The following SAMD9L variants were observed in gnomAD, a reference collection of about 807,000 sequenced individuals.
SAMD9L encodes sterile alpha motif domain containing 9 like.
Under a neutral mutation model 90.7 loss-of-function variants are expected in SAMD9L, and 68 were observed. The ratio of observed to expected loss-of-function variants is 0.75; its 90% CI spans 0.62 to 0.92. The LOEUF (loss-of-function observed/expected upper bound fraction) is 0.92. Ranked by LOEUF, SAMD9L falls within the 40% of genes least tolerant of loss-of-function variation. The pLI, the probability that SAMD9L is intolerant of heterozygous loss-of-function variation, is 0.00. For missense variants in SAMD9L, 1,604 were observed against 1,824.3 expected (o/e 0.88, Z 2.20); for synonymous variants, 640 against 630.1 (o/e 1.02, Z -0.23).
In SAMD9L at chr7:93,135,718, T is replaced by A; in HGVS notation, c.254A>T (p.His85Leu). Residue 85 changes from histidine to leucine, a missense_variant, in exon 5 of 5, where the codon CAT (histidine) becomes CTT (leucine). Transcript: ENST00000318238. ...LNSKSPESDN[H>L]DPGQLDNSKP... ...TGAATTATCTAATTGTCCCGGATCA[T>A]GATTGTCACTTTCAGGGGACTTACT... The A allele has an allele frequency of 1.9e-6, 3 of 1,614,134 alleles. No homozygotes were observed. The African/African-American group carries it at 4.0e-5, about 22-fold the overall frequency.
At position 93,135,700 on chromosome 7, in the gene SAMD9L, T is replaced by C; in HGVS notation, c.272A>G (p.Asp91Gly). Residue 91 changes from aspartate to glycine, a missense_variant, in exon 5 of 5, where the codon GAT becomes GGT. By Grantham distance (94) the Asp-to-Gly change is moderately conservative. Coordinates refer to ENST00000318238, the MANE Select transcript of SAMD9L (RefSeq NM_152703.5). ...TTCTGTTTTGGACGGTTTTGAATTA[T>C]CTAATTGTCCCGGATCATGATTGTC... ...ESDNHDPGQL[D>G]NSKPSKTEHQ... is the part of the protein sequence containing the mutation. The C allele has an allele frequency of 6.2e-7, 1 of 1,614,102 alleles. No individual in the cohort carries two copies. Among genetic ancestry groups the C allele is most frequent in the Non-Finnish European group, 8.5e-7 (1 of 1,179,976 alleles).
At chr7:93,144,432 A>G (rs542282129) in intron 4 of SAMD9L, among the ~76,000 whole-genome samples, 1 of 152,216 alleles carries the variant, frequency 6.6e-6, no homozygotes, top group Non-Finnish European at 1.5e-5. Context: ...ATAATATTAC[A>G]TTGTATTAGG....
Position 93,132,772 on chromosome 7 carries a change from A to G in SAMD9L, c.3200T>C (p.Ile1067Thr), listed in dbSNP as rs559401405. ...PLMEALQNKD[I>T]EKVLSAGSRR... ...ACTTCCTGCACTCAAGACCTTTTCA[A>G]TGTCTTTATTCTGTAAAGCTTCCAT... The change falls in exon 5 of 5, where the codon ATT becomes ACT. Residue 1067 changes from isoleucine to threonine, a missense_variant. Ile to Thr is a moderately conservative substitution (Grantham distance 89). Around this residue, in one of 7 missense-constraint regions of SAMD9L, gnomAD observed 302 missense variants for 314.7 expected, o/e 0.96. Coordinates refer to ENST00000318238, the MANE Select transcript of SAMD9L (RefSeq NM_152703.5). The G allele has an allele frequency of 8.7e-6, 14 of 1,613,660 alleles. No individual in the cohort carries two copies. The African/African-American group carries it at 1.1e-4, about 12-fold the overall frequency.
At position 93,133,494 on chromosome 7, in the gene SAMD9L, A is replaced by T; in HGVS notation, c.2478T>A (p.Asp826Glu). ...NAIHSVLAEK[D>E]LRYEKTLVII... ...TTACCAATGTTTTTTCATATCGCAA[A>T]TCCTTTTCTGCTAAAACGGAATGGA... The change falls in exon 5 of 5, where the codon GAT becomes GAA. Residue 826 changes from aspartate (D) to glutamate (E), a missense_variant. Around this residue, in one of 7 missense-constraint regions of SAMD9L, gnomAD observed 606 missense variants for 717.6 expected, o/e 0.84. Transcript: ENST00000318238. The T allele has an allele frequency of 6.2e-7, 1 of 1,612,534 alleles. No homozygotes were observed. Among genetic ancestry groups the T allele is most frequent in the Non-Finnish European group, 8.5e-7 (1 of 1,179,358 alleles).
At position 93,132,287 on chromosome 7, in the gene SAMD9L, C is replaced by A. The variant is rs372780313; in HGVS notation, c.3685G>T (p.Val1229Leu). Reference sequence around the variant, plus strand: ...GTCCACTTTCCTGATAAAAATTGCACCATATGTTTTTTGGATAATTCATTT... The same window carrying A: ...GTCCACTTTCCTGATAAAAATTGCAACATATGTTTTTTGGATAATTCATTT... ...KENELSKKHMVQFLSGKWTIP... is the reference protein window; with the variant it reads ...KENELSKKHMLQFLSGKWTIP... The change falls in exon 5 of 5, where the codon GTG (valine) becomes TTG (leucine). Residue 1229 changes from valine (V) to leucine (L), a missense_variant. Around this residue, in one of 7 missense-constraint regions of SAMD9L, gnomAD observed 302 missense variants for 314.7 expected, o/e 0.96. Coordinates refer to ENST00000318238, the MANE Select transcript of SAMD9L (RefSeq NM_152703.5). 8 of 1,613,560 alleles carry A rather than the reference C, an allele frequency of 5.0e-6. No individual in the cohort carries two copies. The highest frequency in any genetic ancestry group is 6.8e-6 in the Non-Finnish European group (8 of 1,179,812).
chr7:93,139,312 C>A (rs900443236), intron 4 of SAMD9L, among the ~76,000 whole-genome samples: 1 of 152,114 alleles, frequency 6.6e-6, no homozygotes, highest in Non-Finnish European at 1.5e-5. Context: ...TGAATTATAT[C>A]GCGCCAAAGT....
At chr7:93,140,440 G>A (rs1378691380) in intron 4 of SAMD9L, among the ~76,000 whole-genome samples, 1 of 151,520 alleles carries the variant, frequency 6.6e-6, no homozygotes, top group African/African-American at 2.4e-5. Flanking sequence ...TCCATACCAT[G>A]ACTGGTCTCA....
At position 93,134,788 on chromosome 7, in the gene SAMD9L, C is replaced by A; in HGVS notation, c.1184G>T (p.Gly395Val). 1 of 1,612,448 alleles carries A rather than the reference C, an allele frequency of 6.2e-7. No homozygotes were observed. Among genetic ancestry groups the A allele is most frequent in the Non-Finnish European group, 8.5e-7 (1 of 1,179,160 alleles). The change falls in exon 5 of 5, where the codon GGA becomes GTA. Residue 395 changes from glycine to valine, a missense_variant. Coordinates refer to ENST00000318238, the MANE Select transcript of SAMD9L (RefSeq NM_152703.5). ...TATGAGAAGTTTAACCAGCTTTAGT[C>A]CTTCACTCTCCTTCTTCATTGCCTT... is the stretch of plus-strand genomic sequence containing the variant. ...GMKAMKKESE[G>V]LKLVKLLIGN... is the part of the protein sequence containing the mutation.
chr7:93,133,757 G>A lies in SAMD9L; in HGVS notation c.2215C>T (p.Leu739Phe). The change falls in exon 5 of 5, where the codon CTT (leucine) becomes TTT (phenylalanine). Residue 739 changes from leucine (L) to phenylalanine (F), a missense_variant. This residue lies in a region of SAMD9L where 606 missense variants were observed against 717.6 expected (regional missense o/e 0.84). Transcript: ENST00000318238. ...PKPIFAKIINLYHHPGCGGTT... is the reference protein window; with the variant it reads ...PKPIFAKIINFYHHPGCGGTT... ...CCTCCACAGCCTGGATGATGATAAA[G>A]ATTGATGATTTTTGCAAATATTGGT... is the stretch of plus-strand genomic sequence containing the variant. 1 of 1,613,858 alleles carries A rather than the reference G, an allele frequency of 6.2e-7. No homozygotes were observed. The highest frequency in any genetic ancestry group is 1.1e-5 in the South Asian group (1 of 91,086).
chr7:93,131,049 G>A lies in SAMD9L; in HGVS notation c.*168C>T. The A allele has an allele frequency of 2.0e-6, 1 of 503,346 alleles. No individual in the cohort carries two copies. Among genetic ancestry groups the A allele is most frequent in the Non-Finnish European group, 3.5e-6 (1 of 288,366 alleles). 31.2% of individuals were successfully genotyped at this position (503,346 alleles called of 1,614,324 possible). On this transcript the variant is annotated 3_prime_UTR_variant, in exon 5 of 5. Transcript: ENST00000318238. The stretch of plus-strand genomic sequence containing the variant: ...CACTTTGTGCCAAGCTCTGCGGGTA[G>A]GCATATTTCATATCTTAAAAAGGCT...
rs1205666815 is a variant in SAMD9L at position 93,145,828 on chromosome 7, A to G, written c.-566T>C. The G allele has an allele frequency of 1.3e-5, 2 of 152,238 alleles. No individual in the cohort carries two copies. Among genetic ancestry groups the G allele is most frequent in the Non-Finnish European group, 2.9e-5 (2 of 68,036 alleles). The allele number at this position is 152,238 out of a possible 1,614,324, so 9.4% of individuals were successfully genotyped here. ...AAAAAGTATGTGACAGGTACACTTT[A>G]TCTCTCTTCCAGCATTCCACATTCA... On this transcript the variant is annotated 5_prime_UTR_variant, in exon 3 of 5. The change abolishes the stop of an existing upstream ORF in the 5' untranslated region. Transcript: ENST00000318238.
intron 4 of SAMD9L, among the ~76,000 whole-genome samples, chr7:93,144,171 G>C (rs1254329228): frequency 6.6e-6 from 1 of 152,188 alleles, no homozygotes; most frequent in Non-Finnish European, 1.5e-5. Flanking sequence ...ATGGATAAAG[G>C]TGTAGCTGCT....
In SAMD9L at chr7:93,131,830, T is replaced by A. The variant is rs906566773; in HGVS notation, c.4142A>T (p.Gln1381Leu). ...NSKKPMTNEKQNSILANIILS... is the reference protein window; with the variant it reads ...NSKKPMTNEKLNSILANIILS... ...AATAATGTTGGCCAAAATGGAATTTTGTTTCTCATTTGTCATGGGCTTTTT... is the reference window on the plus strand; with the variant it reads ...AATAATGTTGGCCAAAATGGAATTTAGTTTCTCATTTGTCATGGGCTTTTT... The change falls in exon 5 of 5, where the codon CAA (glutamine) becomes CTA (leucine). Residue 1381 changes from glutamine (Q) to leucine (L), a missense_variant. This residue lies in a region of SAMD9L where 282 missense variants were observed against 329.6 expected (regional missense o/e 0.86). Transcript: ENST00000318238. 6.2e-7 allele frequency: 1 copy of A among 1,612,774 alleles called. No homozygotes were observed. Among genetic ancestry groups the A allele is most frequent in the East Asian group, 2.2e-5 (1 of 44,876 alleles).
chr7:93,142,875 T>C (rs1792746402), intron 4 of SAMD9L, among the ~76,000 whole-genome samples: 1 of 152,234 alleles, frequency 6.6e-6, no homozygotes. Context: ...CTACCCATCC[T>C]TTCTTTGGGT....
rs1792045447 is a variant in SAMD9L, at chr7:93,130,658, G to GGAGT, written c.*555_*558dup. ...GCTGGGAGAAGGGCAAGGGGTACAA[G>GGAGT]GAGTGTGTGTGTGTGTGTGTGTGTG... On this transcript the variant is annotated 3_prime_UTR_variant, in exon 5 of 5. Coordinates refer to ENST00000318238, the MANE Select transcript of SAMD9L (RefSeq NM_152703.5). The GGAGT allele has an allele frequency of 7.6e-6, 1 of 131,288 alleles. No homozygotes were observed. The highest frequency in any genetic ancestry group is 3.1e-5 in the African/African-American group (1 of 32,704). 8.1% of individuals were successfully genotyped at this position (131,288 alleles called of 1,614,324 possible). A position where few individuals can be genotyped will look rare whatever the true frequency, so the allele number is the denominator to read the frequency against.
At chr7:93,141,109 C>G (rs1258645266) in intron 4 of SAMD9L, among the ~76,000 whole-genome samples, 2 of 152,232 alleles carry the variant, frequency 1.3e-5, no homozygotes, top group African/African-American at 4.8e-5. Flanking sequence ...GCACTTGAAA[C>G]AAGTGATTGC....
chr7:93,143,485 T>C (rs1792774284), intron 4 of SAMD9L, among the ~76,000 whole-genome samples: 1 of 152,202 alleles, frequency 6.6e-6, no homozygotes, highest in African/African-American at 2.4e-5. Context: ...TCCTCTCTCA[T>C]CAAACCTACA....
chr7:93,132,048 A>G lies in SAMD9L; in HGVS notation c.3924T>C (p.Cys1308=). 1 of 1,613,674 alleles carries G rather than the reference A, an allele frequency of 6.2e-7. No individual in the cohort carries two copies. Among genetic ancestry groups the G allele is most frequent in the East Asian group, 2.2e-5 (1 of 44,858 alleles). The change falls in exon 5 of 5, where the codon TGT becomes TGC. Residue 1308 remains cysteine, a synonymous_variant. Coordinates refer to ENST00000318238, the MANE Select transcript of SAMD9L (RefSeq NM_152703.5). ...TTTGTAATAGACATGGATCCAAATG[A>G]CAGAAAAGTTCTGTGTATTTCCTGA... The part of the protein sequence containing the change: ...RCFRKYTELF[C]HLDPCLLQSK...
rs749384928 is a variant in SAMD9L, at chr7:93,133,715, G to T, written c.2257C>A (p.His753Asn). The T allele has an allele frequency of 1.2e-6, 2 of 1,613,638 alleles. No homozygotes were observed. Among genetic ancestry groups the T allele is most frequent in the South Asian group, 2.2e-5 (2 of 91,082 alleles). Residue 753 changes from histidine (H) to asparagine (N), a missense_variant, in exon 5 of 5, where the codon CAT (histidine) becomes AAT (asparagine). His to Asn is a moderately conservative substitution (Grantham distance 68). Around this residue, in one of 7 missense-constraint regions of SAMD9L, gnomAD observed 606 missense variants for 717.6 expected, o/e 0.84. Coordinates refer to ENST00000318238, the MANE Select transcript of SAMD9L (RefSeq NM_152703.5). ...TTTTTCTTTAAGTCCCAGAGAACATGCATAGCCAGTGTGGTACCTCCACAG... is the reference window on the plus strand; with the variant it reads ...TTTTTCTTTAAGTCCCAGAGAACATTCATAGCCAGTGTGGTACCTCCACAG... ...PGCGGTTLAM[H>N]VLWDLKKNFR...
Sources: allele counts gnomAD v4.1 joint callset (sites outside exome capture counted in the v4.1 genomes callset), GRCh38; gene constraint gnomAD v4.1.1; regional missense constraint gnomAD v4.1.1; transcripts MANE v1.5; gene names NCBI Gene and HGNC (gene_info 2026-07-23, HGNC 2026-07-21).